The following LRCH3 variants were observed in gnomAD, a reference collection of about 807,000 sequenced individuals.
LRCH3 encodes DISP complex protein LRCH3.
LRCH3 carries 68 observed loss-of-function variants against 104.5 expected under a neutral mutation model. The observed-to-expected ratio is 0.65, with a 90% confidence interval of 0.54 to 0.80. The LOEUF is 0.80. LRCH3 is among the 30% of genes least tolerant of loss of function. The probability of loss-of-function intolerance (pLI) is 0.00; values close to 1 mark genes in which losing one functional copy is unlikely to be tolerated. For missense variants in LRCH3, 951 were observed against 953.9 expected, an observed-to-expected ratio of 1.00 and a Z score of 0.04; for synonymous variants, 344 against 361.3, an observed-to-expected ratio of 0.95 and a Z score of 0.54.
In LRCH3 at chr3:197,810,728, A is replaced by T. The variant is rs1359537341; in HGVS notation, c.263-4180A>T. On this transcript the variant is annotated intron_variant, in intron 1 of 20. Coordinates refer to ENST00000425562, the MANE Select transcript of LRCH3 (RefSeq NM_001365715.1). This position sits in a 1 kb window ranked among gnomAD's most constrained non-coding sequence, Gnocchi z 4.0. ...CATTTAATTTTTTAAATTATTGTGG[A>T]GAAAAAAAACAGAAAAAGGAAAAAG... Among the ~76,000 whole-genome samples, 1 of 152,148 alleles carries T rather than the reference A, an allele frequency of 6.6e-6. No homozygotes were observed. The highest frequency in any genetic ancestry group is 1.5e-5 in the Non-Finnish European group (1 of 68,038).
In LRCH3 at chr3:197,884,726, G is replaced by C. The variant is rs1714066459; in HGVS notation, c.*1060G>C. ...TCAAAAGCTATATTATGAGGAGTTG[G>C]ACTGTTCTGTCAAAGGCAAAACAAA... On this transcript the variant is annotated 3_prime_UTR_variant, in exon 21 of 21. Transcript: ENST00000425562. 1 of 152,244 alleles carries C rather than the reference G, an allele frequency of 6.6e-6. No homozygotes were observed. Among genetic ancestry groups the C allele is most frequent in the African/African-American group, 2.4e-5 (1 of 41,458 alleles). The allele number at this position is 152,244 out of a possible 1,614,324, so 9.4% of individuals were successfully genotyped here.
At chr3:197,875,191 A>G (rs911054679) in intron 19 of LRCH3, among the ~76,000 whole-genome samples, 1 of 151,966 alleles carries the variant, frequency 6.6e-6, no homozygotes, top group African/African-American at 2.4e-5. Flanking sequence ...TCAGCCTCCC[A>G]AAGTGCTGGG....
At chr3:197,833,365 GA>G (rs71166710) in intron 8 of LRCH3, among the ~76,000 whole-genome samples, 392 of 33,302 alleles carry the variant, frequency 0.012, no homozygotes, top group East Asian at 0.034. Flanking sequence ...ACTAAAAACC[GA>G]AAAAAAAAAA....
At chr3:197,797,770 G>C (rs140060598) in intron 1 of LRCH3, among the ~76,000 whole-genome samples, 1 of 150,240 alleles carries the variant, frequency 6.7e-6, no homozygotes, top group East Asian at 2.0e-4. Flanking sequence ...ACAGGCAGGG[G>C]AATCGCTTGT....
In LRCH3 at chr3:197,870,142, A is replaced by G. The variant is rs752092653; in HGVS notation, c.1874-18A>G. 2 of 1,609,092 alleles carry G rather than the reference A, an allele frequency of 1.2e-6. No homozygotes were observed. Among genetic ancestry groups the G allele is most frequent in the African/African-American group, 2.7e-5 (2 of 74,828 alleles). On this transcript the variant is annotated intron_variant, in intron 17 of 20. Transcript: ENST00000425562. ...ACTGCCAGTTGCCTTTCTGTCTTAC[A>G]TATTAATATTTTTATAGGTCATGCT... is the stretch of plus-strand genomic sequence containing the variant.
intron 1 of LRCH3, among the ~76,000 whole-genome samples, chr3:197,799,982 C>T (rs944099281): frequency 1.3e-5 from 2 of 151,182 alleles, no homozygotes; most frequent in East Asian, 1.9e-4. Flanking sequence ...GAGTTCAAGA[C>T]GAGCCTGGCC....
intron 2 of LRCH3, 126 bp downstream of exon 2, chr3:197,815,178 T>G: frequency 9.4e-6 from 5 of 530,492 alleles, no homozygotes; most frequent in Non-Finnish European, 1.6e-5. Flanking sequence ...GTATGTGCTC[T>G]TGGATATATT....
intron 20 of LRCH3, chr3:197,881,472 ATG>A: frequency 1.0e-6 from 1 of 985,460 alleles, no homozygotes; most frequent in Non-Finnish European, 1.2e-6. Flanking sequence ...TGTGTTTGTT[ATG>A]TGTGACTGAG....
chr3:197,800,540 C>T (rs1731763341), intron 1 of LRCH3, among the ~76,000 whole-genome samples: 1 of 152,188 alleles, frequency 6.6e-6, no homozygotes, highest in South Asian at 2.1e-4. Context: ...AGTGGAGACA[C>T]TCATACGATG....
At chr3:197,794,192 G>C (rs1303552111) in intron 1 of LRCH3, among the ~76,000 whole-genome samples, 3 of 151,838 alleles carry the variant, frequency 2.0e-5, no homozygotes, top group Non-Finnish European at 4.4e-5. Flanking sequence ...TCACCACTAT[G>C]TAGTATCAGT....
Position 197,858,866 on chromosome 3 carries a change from T to A in LRCH3, c.1677T>A (p.Ala559=). 6.2e-7 allele frequency: 1 copy of A among 1,614,070 alleles called. No individual in the cohort carries two copies. Among genetic ancestry groups the A allele is most frequent in the Non-Finnish European group, 8.5e-7 (1 of 1,179,908 alleles). ...CAGGGTTGAATCAAGTGGGCTGTGCTGCTACCCTGCCTCATTCTTCTGCCT... is the reference window on the plus strand; with the variant it reads ...CAGGGTTGAATCAAGTGGGCTGTGCAGCTACCCTGCCTCATTCTTCTGCCT... ...SLSGLNQVGC[A]ATLPHSSAFT... Residue 559 remains alanine (A), a synonymous_variant, in exon 15 of 21, where the codon GCT becomes GCA. Coordinates refer to ENST00000425562, the MANE Select transcript of LRCH3 (RefSeq NM_001365715.1).
intron 20 of LRCH3, chr3:197,881,422 T>A: frequency 1.0e-6 from 1 of 985,600 alleles, no homozygotes; most frequent in Non-Finnish European, 1.2e-6. Context: ...CACGAGCAGA[T>A]GGGCTGGAGC....
At position 197,884,053 on chromosome 3, in the gene LRCH3, G is replaced by A. The variant is rs1329406278; in HGVS notation, c.*387G>A. On this transcript the variant is annotated 3_prime_UTR_variant, in exon 21 of 21. Coordinates refer to ENST00000425562, the MANE Select transcript of LRCH3 (RefSeq NM_001365715.1). ...ACTGGTCTGCTGGTTTCTAAACTTG[G>A]TTGTTCATTAGACTCTCCTGGAGTA... The A allele has an allele frequency of 1.7e-5, 3 of 175,426 alleles. No individual in the cohort carries two copies. Among genetic ancestry groups the A allele is most frequent in the African/African-American group, 4.8e-5 (2 of 42,058 alleles). The allele number at this position is 175,426 out of a possible 1,614,324, so 10.9% of individuals were successfully genotyped here.
chr3:197,791,514 A>G lies in LRCH3; in HGVS notation c.236A>G (p.His79Arg). The G allele has an allele frequency of 6.3e-7, 1 of 1,596,958 alleles. No homozygotes were observed. Among genetic ancestry groups the G allele is most frequent in the Non-Finnish European group, 8.5e-7 (1 of 1,173,888 alleles). The part of the protein sequence containing the change: ...LREFPRGAAN[H>R]DLTDTTRADL... ...GAGTTTCCCCGGGGAGCGGCCAACCACGACCTGACGGACACCACCCGGGCG... is the reference window on the plus strand; with the variant it reads ...GAGTTTCCCCGGGGAGCGGCCAACCGCGACCTGACGGACACCACCCGGGCG... Residue 79 changes from histidine to arginine, a missense_variant, in exon 1 of 21, where the codon CAC becomes CGC. By Grantham distance (29) the His-to-Arg change is conservative (BLOSUM62 0). Transcript: ENST00000425562.
At chr3:197,838,440 G>A (rs535393362) in intron 9 of LRCH3, among the ~76,000 whole-genome samples, 37 of 141,260 alleles carry the variant, frequency 2.6e-4, no homozygotes, top group Middle Eastern at 7.2e-3. Flanking sequence ...GTTTCTTGGA[G>A]GTAGATGCTA....
chr3:197,880,517 T>A (rs1713660340), intron 20 of LRCH3: 1 of 1,535,950 alleles, frequency 6.5e-7, no homozygotes, highest in African/African-American at 1.4e-5. Context: ...GACAGGACAA[T>A]CTTTGTTCCC....
chr3:197,816,398 A>T (rs1733803029), intron 2 of LRCH3, among the ~76,000 whole-genome samples: 1 of 151,964 alleles, frequency 6.6e-6, no homozygotes, highest in African/African-American at 2.4e-5. Flanking sequence ...CTCCTGCCTC[A>T]GCCTCCCGAG....
intron 4 of LRCH3, among the ~76,000 whole-genome samples, chr3:197,824,502 C>T (rs1314546730): frequency 7.3e-5 from 11 of 150,670 alleles, no homozygotes; most frequent in Non-Finnish European, 1.6e-4. Flanking sequence ...TTTTTCCCTG[C>T]ACTTCCACCT....
intron 15 of LRCH3, among the ~76,000 whole-genome samples, chr3:197,864,294 G>A (rs1395984891): frequency 1.5e-5 from 2 of 137,720 alleles, no homozygotes; most frequent in African/African-American, 2.7e-5. Context: ...CAACAAGAGC[G>A]AGACTCCATC....
Sources: allele counts gnomAD v4.1 joint callset (sites outside exome capture counted in the v4.1 genomes callset), GRCh38; gene constraint gnomAD v4.1.1; non-coding constraint Gnocchi (gnomAD v3.1); transcripts MANE v1.5; gene names NCBI Gene and HGNC (gene_info 2026-07-23, HGNC 2026-07-21).